The following USP24 variants were observed in gnomAD, a reference collection of about 807,000 sequenced individuals.
USP24 encodes ubiquitin carboxyl-terminal hydrolase 24.
USP24 carries 97 observed loss-of-function variants against 361.6 expected under a neutral mutation model. That is an observed-to-expected ratio of 0.27 (90% CI 0.23 to 0.32). The LOEUF (loss-of-function observed/expected upper bound fraction) is 0.32. Among genes scored for constraint, USP24 ranks in the 10% least tolerant of loss-of-function variants. The pLI is 1.00. For missense variants in USP24, 2,353 were observed against 3,165.6 expected, an observed-to-expected ratio of 0.74 and a Z score of 6.16; for synonymous variants, 1,098 against 1,124.6, an observed-to-expected ratio of 0.98 and a Z score of 0.47.
At position 55,215,227 on chromosome 1, in the gene USP24, G is replaced by T. The variant is rs1644960870; in HGVS notation, c.-114C>A. 3.4e-6 allele frequency: 3 copies of T among 885,786 alleles called. No individual in the cohort carries two copies. Among genetic ancestry groups the T allele is most frequent in the Middle Eastern group, 4.1e-4 (1 of 2,450 alleles). 54.9% of individuals were successfully genotyped at this position (885,786 alleles called of 1,614,324 possible). ...CCTCCGCGCCCAGGTTGGCCCCTGC[G>T]TTCCTGCCCCGGGTGCTCCGCAGCA... is the stretch of plus-strand genomic sequence containing the variant. On this transcript the variant is annotated 5_prime_UTR_variant, in exon 1 of 68. Transcript: ENST00000294383.
At chr1:55,193,705 T>C (rs1480812582) in intron 1 of USP24, among the ~76,000 whole-genome samples, 2 of 152,182 alleles carry the variant, frequency 1.3e-5, no homozygotes, top group South Asian at 2.1e-4. Flanking sequence ...AGCTGCTACA[T>C]GTCAGGAACA....
Position 55,124,686 on chromosome 1 carries a change from T to C in USP24, c.3961-58A>G, listed in dbSNP as rs1193977275. On this transcript the variant is annotated intron_variant, in intron 34 of 67. Transcript: ENST00000294383. ...CAATACTTGAACACATGCCCTGACA[T>C]GTACAACCTTCTTACAGGTCTCAGT... 16 of 1,582,424 alleles carry C rather than the reference T, an allele frequency of 1.0e-5. No individual in the cohort carries two copies. In the East Asian group the frequency reaches 2.2e-4, roughly 22 times the overall value.
chr1:55,132,599 C>G lies in USP24; in HGVS notation c.3483G>C (p.Leu1161=), dbSNP rs754246333. 1 of 1,613,678 alleles carries G rather than the reference C, an allele frequency of 6.2e-7. No homozygotes were observed. Among genetic ancestry groups the G allele is most frequent in the Admixed American group, 1.7e-5 (1 of 59,980 alleles). ...ACATTCCCGGGGCAAAAGATCGAAA[C>G]AGACTTTCTAAAATTGAACTGGCAC... The part of the protein sequence containing the change: ...QPSASSILES[L]FRSFAPGMST... Residue 1161 remains leucine, a synonymous_variant, in exon 31 of 68, where the codon CTG becomes CTC. Transcript: ENST00000294383.
intron 54 of USP24, among the ~76,000 whole-genome samples, chr1:55,090,299 A>T (rs1645346428): frequency 6.6e-6 from 1 of 152,200 alleles, no homozygotes; most frequent in Non-Finnish European, 1.5e-5. Flanking sequence ...ATGGCCATAT[A>T]AACAAAATGG....
At chr1:55,100,715 T>C (rs1370228399) in intron 44 of USP24, 124 bp downstream of exon 44, 3 of 1,085,254 alleles carry the variant, frequency 2.8e-6, no homozygotes, top group Non-Finnish European at 1.2e-6. Flanking sequence ...TACCAAATCC[T>C]TTTACAGTTT....
intron 63 of USP24, among the ~76,000 whole-genome samples, chr1:55,075,161 G>A (rs577716914): frequency 1.7e-4 from 26 of 152,124 alleles, no homozygotes; most frequent in African/African-American, 5.5e-4. Flanking sequence ...TTGCATCAGG[G>A]AGTGGCCGTT....
At chr1:55,075,997 T>A (rs1224634409) in intron 62 of USP24, among the ~76,000 whole-genome samples, 3 of 151,794 alleles carry the variant, frequency 2.0e-5, no homozygotes, top group African/African-American at 7.3e-5. Context: ...AAAAACCCAA[T>A]ACAAACAAAT....
chr1:55,203,460 TC>T (rs1441076724), intron 1 of USP24, among the ~76,000 whole-genome samples: 1 of 152,208 alleles, frequency 6.6e-6, no homozygotes, highest in East Asian at 1.9e-4. Context: ...TCAATTTTAA[TC>T]CTTAAAGTTT....
At chr1:55,081,929 G>C (rs995325516) in intron 58 of USP24, among the ~76,000 whole-genome samples, 5 of 152,236 alleles carry the variant, frequency 3.3e-5, no homozygotes, top group African/African-American at 1.2e-4. Flanking sequence ...AATTATACAT[G>C]CAGCTGAATT....
At chr1:55,069,422 G>A (rs539457895) in intron 67 of USP24, among the ~76,000 whole-genome samples, 22 of 152,356 alleles carry the variant, frequency 1.4e-4, no homozygotes, top group Middle Eastern at 3.4e-3. Flanking sequence ...CATTGTGCCC[G>A]CTTCACGTTG....
At chr1:55,083,686 T>C (rs943006090) in intron 57 of USP24, 86 bp downstream of exon 57, 8 of 962,094 alleles carry the variant, frequency 8.3e-6, no homozygotes, top group South Asian at 1.7e-5. Context: ...AAACATACCA[T>C]ATAGAACTTT....
chr1:55,071,721 A>G (rs181146839), intron 67 of USP24, 93 bp downstream of exon 67: 2 of 1,289,298 alleles, frequency 1.6e-6, no homozygotes, highest in African/African-American at 2.9e-5. Flanking sequence ...TTCCAGAGGA[A>G]GCATCTTGTT....
At chr1:55,173,934 T>C (rs909448056) in intron 3 of USP24, among the ~76,000 whole-genome samples, 3 of 152,232 alleles carry the variant, frequency 2.0e-5, no homozygotes, top group African/African-American at 7.2e-5. Flanking sequence ...TCTGGCACCA[T>C]TCCATTTGCT....
Position 55,178,088 on chromosome 1 carries a change from G to A in USP24, c.369C>T (p.Phe123=). The A allele has an allele frequency of 6.4e-7, 1 of 1,551,500 alleles. No homozygotes were observed. Among genetic ancestry groups the A allele is most frequent in the Non-Finnish European group, 8.7e-7 (1 of 1,146,854 alleles). The change falls in exon 2 of 68, where the codon TTC becomes TTT. Residue 123 remains phenylalanine, a synonymous_variant. Coordinates refer to ENST00000294383, the MANE Select transcript of USP24 (RefSeq NM_015306.3). The part of the protein sequence containing the change: ...NGNCSGEGIE[F]PTTNLYELES... ...CCAGTTCATATAAATTTGTTGTAGG[G>A]AATTCAATTCCTTCCCCTGAGCAGT...
At chr1:55,119,883 G>A (rs1303196822) in intron 38 of USP24, among the ~76,000 whole-genome samples, 2 of 152,074 alleles carry the variant, frequency 1.3e-5, no homozygotes, top group Non-Finnish European at 2.9e-5. Flanking sequence ...TAGTGTTTCA[G>A]TTTAGGATGA....
intron 34 of USP24, 85 bp downstream of exon 34, chr1:55,125,235 T>C: frequency 7.5e-7 from 1 of 1,337,578 alleles, no homozygotes; most frequent in Non-Finnish European, 1.1e-6. Flanking sequence ...GTCTTAATCA[T>C]TTTTATATCC....
intron 41 of USP24, 100 bp from the exon 42 acceptor site, chr1:55,104,120 A>G: frequency 7.0e-7 from 1 of 1,419,826 alleles, no homozygotes; most frequent in African/African-American, 1.4e-5. Context: ...AAGAGCTCCA[A>G]TTCCTCAAAC....
intron 55 of USP24, 58 bp downstream of exon 55, chr1:55,089,569 G>A: frequency 8.5e-7 from 1 of 1,172,810 alleles, no homozygotes; most frequent in East Asian, 2.6e-5. Flanking sequence ...AGAAACTTCA[G>A]CTCTAAATCA....
chr1:55,092,238 CAT>C (rs374002642), intron 53 of USP24, 112 bp from the exon 54 acceptor site: 27 of 589,944 alleles, frequency 4.6e-5, no homozygotes, highest in Middle Eastern at 4.4e-4. Context: ...GATATACACA[CAT>C]GATAAAGTTA....
Sources: gnomAD v4.1 joint callset for allele counts (sites outside exome capture counted in the v4.1 genomes callset) on GRCh38, gnomAD v4.1.1 for gene constraint, MANE v1.5 for transcripts, NCBI Gene and HGNC (gene_info 2026-07-23, HGNC 2026-07-21) for gene names.